AUTS2: variants seen among roughly 807,000 people sequenced by gnomAD.
AUTS2 encodes the protein autism susceptibility gene 2 protein.
AUTS2 carries 17 observed loss-of-function variants against 112.4 expected under a neutral mutation model. The ratio of observed to expected loss-of-function variants is 0.15; its 90% CI spans 0.10 to 0.23. The LOEUF (loss-of-function observed/expected upper bound fraction) is 0.23. Ranked by LOEUF, AUTS2 falls within the 10% of genes least tolerant of loss-of-function variation. The pLI, the probability that AUTS2 is intolerant of heterozygous loss-of-function variation, is 1.00. For missense variants in AUTS2, 1,510 were observed against 1,701.6 expected (o/e 0.89, Z 1.98); for synonymous variants, 751 against 702.7 (o/e 1.07, Z -1.09).
At chr7:70,609,673 C>T (rs1803976259) in intron 5 of AUTS2, among the ~76,000 whole-genome samples, 2 of 151,898 alleles carry the variant, frequency 1.3e-5, no homozygotes, top group East Asian at 1.9e-4. Flanking sequence ...ATGATCTGCC[C>T]ACCTCTGCCT....
chr7:70,458,006 G>T (rs146644355), intron 5 of AUTS2, among the ~76,000 whole-genome samples: 215 of 151,892 alleles, frequency 1.4e-3, no homozygotes, highest in Non-Finnish European at 2.5e-3. Context: ...GAGTGAGAGG[G>T]GCCTAGAAAA....
chr7:69,846,965 T>A (rs1003849971), intron 1 of AUTS2, among the ~76,000 whole-genome samples: 1 of 152,162 alleles, frequency 6.6e-6, no homozygotes, highest in Non-Finnish European at 1.5e-5. Flanking sequence ...AGCAAAGTTA[T>A]ATAGTAGCAG....
At chr7:69,831,588 A>C (rs2129527541) in intron 1 of AUTS2, among the ~76,000 whole-genome samples, 1 of 150,544 alleles carries the variant, frequency 6.6e-6, no homozygotes, top group South Asian at 2.1e-4. Flanking sequence ...AGAAGCATGA[A>C]CCTTCTGTAA....
intron 2 of AUTS2, among the ~76,000 whole-genome samples, chr7:70,076,542 C>G (rs780883976): frequency 6.6e-6 from 1 of 152,124 alleles, no homozygotes; most frequent in Non-Finnish European, 1.5e-5. Flanking sequence ...AATTATGAAA[C>G]ATGAAGAGTG....
In AUTS2 at chr7:69,804,473, G is replaced by C. The variant is rs75345086; in HGVS notation, c.310-94813G>C. On this transcript the variant is annotated intron_variant, in intron 1 of 18. Transcript: ENST00000342771. The stretch of plus-strand genomic sequence containing the variant: ...ACTCAACTCTGAAATGCTGAGTTTA[G>C]GGTGGATTTGAAGTGTCACCTTCGT... 2.7e-3 allele frequency among the ~76,000 whole-genome samples: 414 copies of C among 152,294 alleles called. 1 individual carries two copies. Among genetic ancestry groups the C allele is most frequent in the African/African-American group, 9.1e-3 (380 of 41,568 alleles).
chr7:69,641,967 A>G (rs1031746962), intron 1 of AUTS2, among the ~76,000 whole-genome samples: 1 of 152,206 alleles, frequency 6.6e-6, no homozygotes, highest in Non-Finnish European at 1.5e-5. Context: ...ATGGTGCAGG[A>G]AATAACTAAA....
At chr7:70,586,851 G>T (rs572122206) in intron 5 of AUTS2, among the ~76,000 whole-genome samples, 100 of 152,248 alleles carry the variant, frequency 6.6e-4, no homozygotes, top group African/African-American at 2.1e-3. Context: ...TCCAACAATT[G>T]CAATAACTTG....
intron 1 of AUTS2, among the ~76,000 whole-genome samples, chr7:69,764,294 G>C (rs948603435): frequency 7.9e-5 from 12 of 152,164 alleles, no homozygotes; most frequent in African/African-American, 2.7e-4. Context: ...GCTCTTGCTA[G>C]CTGGGATGAA....
intron 2 of AUTS2, among the ~76,000 whole-genome samples, chr7:70,086,318 T>G (rs1413567478): frequency 6.6e-6 from 1 of 152,184 alleles, no homozygotes; most frequent in Non-Finnish European, 1.5e-5. Flanking sequence ...TTTCTTTATT[T>G]CTTTAGATTT....
At position 69,614,313 on chromosome 7, in the gene AUTS2, T is replaced by C. The variant is rs1322258876; in HGVS notation, c.309+14351T>C. ...CACTTCTCTCAAGAGTCACTCTCCGTCTCTTTCTTTCTTTCTTTCTTTCTT... is the reference window on the plus strand; with the variant it reads ...CACTTCTCTCAAGAGTCACTCTCCGCCTCTTTCTTTCTTTCTTTCTTTCTT... On this transcript the variant is annotated intron_variant, in intron 1 of 18. Transcript: ENST00000342771. 7.2e-5 allele frequency among the ~76,000 whole-genome samples: 10 copies of C among 139,730 alleles called. No individual in the cohort carries two copies. In the South Asian group the frequency reaches 2.3e-3, roughly 32 times the overall value. The allele number at this position is 139,730 out of a possible 152,430, so 91.7% of individuals were successfully genotyped here. A position where few individuals can be genotyped will look rare whatever the true frequency, so the allele number is the denominator to read the frequency against.
intron 4 of AUTS2, among the ~76,000 whole-genome samples, chr7:70,184,229 G>T (rs1415785025): frequency 3.3e-5 from 5 of 152,126 alleles, no homozygotes; most frequent in Admixed American, 2.0e-4. Flanking sequence ...ACCTCAAAAA[G>T]AAAACCAGTT....
At chr7:70,483,309 C>T (rs994992523) in intron 5 of AUTS2, among the ~76,000 whole-genome samples, 10 of 152,302 alleles carry the variant, frequency 6.6e-5, no homozygotes, top group South Asian at 2.1e-4. Flanking sequence ...ATGGATACAG[C>T]GTTTGACCTG....
intron 2 of AUTS2, among the ~76,000 whole-genome samples, chr7:70,014,680 G>A (rs1251751716): frequency 6.6e-6 from 1 of 152,152 alleles, no homozygotes; most frequent in Non-Finnish European, 1.5e-5. Context: ...TTCTTTGTGT[G>A]CATTCACGTA....
intron 18 of AUTS2, 58 bp from the exon 19 acceptor site, chr7:70,789,690 C>A: frequency 6.4e-7 from 1 of 1,559,372 alleles, no homozygotes; most frequent in South Asian, 1.2e-5. Flanking sequence ...AGCCCCTGGC[C>A]CGGCCGACTC....
At chr7:70,423,257 C>T (rs1461320608) in intron 4 of AUTS2, among the ~76,000 whole-genome samples, 2 of 152,188 alleles carry the variant, frequency 1.3e-5, no homozygotes, top group Non-Finnish European at 2.9e-5. Flanking sequence ...ATTTTTATCT[C>T]TGTCAAGATT....
intron 1 of AUTS2, among the ~76,000 whole-genome samples, chr7:69,803,636 G>A (rs1790179804): frequency 1.3e-5 from 2 of 152,126 alleles, no homozygotes; most frequent in Non-Finnish European, 2.9e-5. Flanking sequence ...CCAGCTATAA[G>A]CTAATTAAAC....
intron 1 of AUTS2, among the ~76,000 whole-genome samples, chr7:69,837,242 A>C (rs1299436987): frequency 2.6e-5 from 4 of 152,170 alleles, no homozygotes; most frequent in African/African-American, 9.7e-5. Flanking sequence ...CAGTCCTGGT[A>C]ATTGGGAAGA....
intron 2 of AUTS2, among the ~76,000 whole-genome samples, chr7:69,983,177 C>A: frequency 6.6e-6 from 1 of 152,158 alleles, no homozygotes; most frequent in East Asian, 1.9e-4. Flanking sequence ...TATTTTCTTA[C>A]AACATTTGCC....
intron 5 of AUTS2, among the ~76,000 whole-genome samples, chr7:70,529,155 A>G: frequency 6.6e-6 from 1 of 152,232 alleles, no homozygotes; most frequent in Non-Finnish European, 1.5e-5. Flanking sequence ...AAAAGCCTAG[A>G]AAATACCAAC....
Sources: allele counts gnomAD v4.1 joint callset (sites outside exome capture counted in the v4.1 genomes callset), GRCh38; gene constraint gnomAD v4.1.1; transcripts MANE v1.5; gene names NCBI Gene and HGNC (gene_info 2026-07-23, HGNC 2026-07-21).